CYFIP1: variants seen among roughly 807,000 people sequenced by gnomAD.
The protein encoded by CYFIP1 is cytoplasmic FMR1 interacting protein 1.
In CYFIP1, 58 loss-of-function variants were observed where a neutral mutation model predicts 163.5. The ratio of observed to expected loss-of-function variants is 0.35; its 90% CI spans 0.29 to 0.44. The LOEUF (loss-of-function observed/expected upper bound fraction) is 0.44. CYFIP1 is among the 20% of genes least tolerant of loss of function. The pLI is 1.00. For synonymous variants in CYFIP1, 663 were observed against 660.7 expected, an observed-to-expected ratio of 1.00 and a Z score of -0.05; for missense variants, 1,338 against 1,653.8, an observed-to-expected ratio of 0.81 and a Z score of 3.31.
chr15:22,928,038 G>C lies in CYFIP1; in HGVS notation c.1111-10C>G. 2.0e-6 allele frequency: 3 copies of C among 1,518,048 alleles called. No homozygotes were observed. Among genetic ancestry groups the C allele is most frequent in the Non-Finnish European group, 2.6e-6 (3 of 1,138,102 alleles). The allele number at this position is 1,518,048 out of a possible 1,614,324, so 94.0% of individuals were successfully genotyped here. On this transcript the variant is annotated splice_polypyrimidine_tract_variant and intron_variant, in intron 11 of 30. Transcript: ENST00000617928. ...CCGAGCCCGTGACCACCTGCACAAG[G>C]CGGGCACGGCCCCGTGAGAAACCAG...
At chr15:22,903,620 G>A (rs2060470237) in intron 22 of CYFIP1, 86 bp downstream of exon 22, 2 of 1,390,330 alleles carry the variant, frequency 1.4e-6, no homozygotes, top group South Asian at 2.4e-5. Context: ...CAGGGAGACA[G>A]GGACCTGGTG....
chr15:22,908,686 G>A (rs536127872), intron 21 of CYFIP1, among the ~76,000 whole-genome samples: 3 of 151,572 alleles, frequency 2.0e-5, no homozygotes, highest in African/African-American at 4.8e-5. Context: ...CTGCCACCAC[G>A]CCCGCCTAAT....
chr15:22,955,983 C>T (rs2062436617), intron 1 of CYFIP1, among the ~76,000 whole-genome samples: 1 of 152,150 alleles, frequency 6.6e-6, no homozygotes, highest in South Asian at 2.1e-4. Flanking sequence ...TTTGGGAGAC[C>T]GAGGCTTGAG....
At chr15:22,948,403 C>T (rs1800742292) in intron 1 of CYFIP1, among the ~76,000 whole-genome samples, 1 of 152,198 alleles carries the variant, frequency 6.6e-6, no homozygotes, top group Non-Finnish European at 1.5e-5. Context: ...CCAGAATTGA[C>T]ATGGAGCTGC....
chr15:22,896,728 C>T (rs753032539), intron 22 of CYFIP1, among the ~76,000 whole-genome samples: 26 of 152,308 alleles, frequency 1.7e-4, no homozygotes, highest in African/African-American at 5.1e-4. Flanking sequence ...CATGCATAGT[C>T]GCTGCCTTAA....
chr15:22,899,362 T>A (rs1391006515), intron 22 of CYFIP1, among the ~76,000 whole-genome samples: 1 of 152,196 alleles, frequency 6.6e-6, no homozygotes, highest in Non-Finnish European at 1.5e-5. Flanking sequence ...ACATGCACAT[T>A]GATATGGTTT....
At chr15:22,951,088 G>A (rs1014687756) in intron 1 of CYFIP1, among the ~76,000 whole-genome samples, 8 of 152,044 alleles carry the variant, frequency 5.3e-5, no homozygotes, top group African/African-American at 1.4e-4. Flanking sequence ...GCGGGGTGTT[G>A]GGCCGGTTCC....
chr15:22,971,914 ATTCAATGCAATCTACAGG>A (rs376775982), intron 1 of CYFIP1, among the ~76,000 whole-genome samples: 4 of 133,094 alleles, frequency 3.0e-5, no homozygotes, highest in African/African-American at 5.7e-5. Context: ...CAATCTACAA[ATTCAATGCAATCTACAGG>A]TTCAATGCAA....
chr15:22,928,179 A>T, intron 11 of CYFIP1, 151 bp from the exon 12 acceptor site: 9 of 954,232 alleles, frequency 9.4e-6, no homozygotes, highest in Non-Finnish European at 1.3e-5. Flanking sequence ...AGGTCGGGAG[A>T]TCCAGACCAT....
chr15:22,883,774 G>A (rs961727692), intron 23 of CYFIP1, among the ~76,000 whole-genome samples: 22 of 139,348 alleles, frequency 1.6e-4, no homozygotes, highest in South Asian at 1.4e-3. Context: ...CCGAGATCGC[G>A]CCACTGCACT....
At chr15:22,970,761 C>T (rs185934086) in intron 1 of CYFIP1, among the ~76,000 whole-genome samples, 35 of 152,228 alleles carry the variant, frequency 2.3e-4, no homozygotes, top group African/African-American at 7.2e-4. Flanking sequence ...TATGTTGGAC[C>T]ATTACCTTAT....
rs888561146 is a variant in CYFIP1 at position 22,867,357 on chromosome 15, GT to G, written c.*2670del. 2 of 394,006 alleles carry G rather than the reference GT, an allele frequency of 5.1e-6. No homozygotes were observed. The highest frequency in any genetic ancestry group is 8.9e-6 in the Non-Finnish European group (2 of 223,830). The allele number at this position is 394,006 out of a possible 1,614,324, so 24.4% of individuals were successfully genotyped here. A position where few individuals can be genotyped will look rare whatever the true frequency, so the allele number is the denominator to read the frequency against. ...GAAATATTTATTAAGGGAAAACTAA[GT>G]TACTGAATGAAGGAACCTCTTTCTT... On this transcript the variant is annotated 3_prime_UTR_variant, in exon 31 of 31. Transcript: ENST00000617928.
chr15:22,890,288 G>C (rs1173853061), intron 23 of CYFIP1, among the ~76,000 whole-genome samples: 1 of 149,602 alleles, frequency 6.7e-6, no homozygotes, highest in Non-Finnish European at 1.5e-5. Context: ...TCCATCCTAG[G>C]TGATAGAGGA....
chr15:22,875,046 C>T (rs2059542829), intron 27 of CYFIP1, among the ~76,000 whole-genome samples, 153 bp downstream of exon 27: 1 of 152,122 alleles, frequency 6.6e-6, no homozygotes, highest in Admixed American at 6.6e-5. Context: ...CTTCATTTAA[C>T]TAGGTTCTGT....
intron 1 of CYFIP1, among the ~76,000 whole-genome samples, chr15:22,953,382 A>G (rs1037643456): frequency 6.6e-6 from 1 of 152,100 alleles, no homozygotes; most frequent in African/African-American, 2.4e-5. Context: ...CCACCAGCGG[A>G]CCCTGCACCC....
At chr15:22,879,864 G>A (rs1488497713) in intron 26 of CYFIP1, 49 bp downstream of exon 26, 4 of 1,411,202 alleles carry the variant, frequency 2.8e-6, no homozygotes, top group Non-Finnish European at 3.9e-6. Flanking sequence ...CGGTGGGGTG[G>A]GGTGGGGTGG....
At chr15:22,905,493 C>A (rs1414393141) in intron 21 of CYFIP1, 1 of 130,498 alleles carries the variant, frequency 7.7e-6, no homozygotes, top group East Asian at 2.2e-4. Flanking sequence ...TCTTTTCATT[C>A]CTTTTTTTTT....
Position 22,926,078 on chromosome 15 carries a change from G to T in CYFIP1, c.1263C>A (p.Asp421Glu), listed in dbSNP as rs750871955. ...CGGGGCAGTCCTTGTTGGAGTACTTGTCGGTGGGGTGCACAAGCTTCCAGG... is the reference window on the plus strand; with the variant it reads ...CGGGGCAGTCCTTGTTGGAGTACTTTTCGGTGGGGTGCACAAGCTTCCAGG... Reference protein sequence around the residue: ...VYSWKLVHPTDKYSNKDCPDS... With the variant: ...VYSWKLVHPTEKYSNKDCPDS... The change falls in exon 13 of 31, where the codon GAC becomes GAA. Residue 421 changes from aspartate to glutamate, a missense_variant. Physicochemically the swap from Asp to Glu is conservative, Grantham distance 45. Around this residue, in one of 4 missense-constraint regions of CYFIP1, gnomAD observed 824 missense variants for 995.7 expected, o/e 0.83. Coordinates refer to ENST00000617928, the MANE Select transcript of CYFIP1 (RefSeq NM_014608.6). 1.2e-5 allele frequency: 19 copies of T among 1,614,182 alleles called. No individual in the cohort carries two copies. Among genetic ancestry groups the T allele is most frequent in the Non-Finnish European group, 1.6e-5 (19 of 1,180,024 alleles).
Position 22,872,990 on chromosome 15 carries a change from A to C in CYFIP1, c.3450-18T>G. Reference sequence around the variant, plus strand: ...AGCACTGCCTAGGAACAAGAAGCAGAAACAGAATGGGAGATGAGTGATACG... The same window carrying C: ...AGCACTGCCTAGGAACAAGAAGCAGCAACAGAATGGGAGATGAGTGATACG... On this transcript the variant is annotated intron_variant, in intron 29 of 30. Coordinates refer to ENST00000617928, the MANE Select transcript of CYFIP1 (RefSeq NM_014608.6). The C allele has an allele frequency of 6.2e-7, 1 of 1,612,688 alleles. No homozygotes were observed. Among genetic ancestry groups the C allele is most frequent in the Non-Finnish European group, 8.5e-7 (1 of 1,179,284 alleles).
Sources: allele counts gnomAD v4.1 joint callset (sites outside exome capture counted in the v4.1 genomes callset), GRCh38; gene constraint gnomAD v4.1.1; regional missense constraint gnomAD v4.1.1; transcripts MANE v1.5; gene names NCBI Gene and HGNC (gene_info 2026-07-23, HGNC 2026-07-21).